The following MGAT1 variants were observed in gnomAD, a reference collection of about 807,000 sequenced individuals.
MGAT1 encodes the protein alpha-1,3-mannosyl-glycoprotein 2-beta-N-acetylglucosaminyltransferase.
Under a neutral mutation model 31.7 loss-of-function variants are expected in MGAT1, and 14 were observed. The observed-to-expected ratio is 0.44, with a 90% CI of 0.29 to 0.69. The LOEUF (loss-of-function observed/expected upper bound fraction) is 0.69. Ranked by LOEUF, MGAT1 falls within the 30% of genes least tolerant of loss-of-function variation. The pLI, the probability that MGAT1 is intolerant of heterozygous loss-of-function variation, is 0.12. For missense variants in MGAT1, 557 were observed against 626.0 expected (o/e 0.89, Z 1.18); for synonymous variants, 338 against 276.0 (o/e 1.22, Z -2.23).
chr5:180,814,075 T>A (rs1240192320), intron 1 of MGAT1, among the ~76,000 whole-genome samples: 1 of 152,216 alleles, frequency 6.6e-6, no homozygotes, highest in Non-Finnish European at 1.5e-5. Flanking sequence ...TTTTCACACA[T>A]TTTTTCAGGT....
intron 1 of MGAT1, among the ~76,000 whole-genome samples, chr5:180,798,607 A>G (rs1266163026): frequency 6.6e-6 from 1 of 152,182 alleles, no homozygotes; most frequent in Non-Finnish European, 1.5e-5. Flanking sequence ...CAGTTCCTCA[A>G]CTGTAACTGC....
Position 180,787,838 on chromosome 5 carries a change from C to A in MGAT1, c.*3796G>T, listed in dbSNP as rs670933. On this transcript the variant is annotated 3_prime_UTR_variant, in exon 2 of 2. Transcript: ENST00000307826. ...GCCAGACTCCATCAGACATTTGTCTCCACTGGGGGCGACTTGATCCACAAA... is the reference window on the plus strand; with the variant it reads ...GCCAGACTCCATCAGACATTTGTCTACACTGGGGGCGACTTGATCCACAAA... 16,359 of 152,336 alleles carry A rather than the reference C, an allele frequency of 0.11. 2,131 individuals are homozygous for A. The highest frequency in any genetic ancestry group is 0.31 in the African/African-American group (12,965 of 41,518). The allele number at this position is 152,336 out of a possible 1,614,324, so 9.4% of individuals were successfully genotyped here. A position where few individuals can be genotyped will look rare whatever the true frequency, so the allele number is the denominator to read the frequency against.
At chr5:180,796,630 C>G (rs61146181) in intron 1 of MGAT1, among the ~76,000 whole-genome samples, 5,167 of 151,856 alleles carry the variant, frequency 0.034, 299 homozygotes, top group African/African-American at 0.12. Context: ...TTTTTTGAGA[C>G]AGAGTCTCAC....
At chr5:180,814,031 C>T (rs1378646625) in intron 1 of MGAT1, among the ~76,000 whole-genome samples, 1 of 152,148 alleles carries the variant, frequency 6.6e-6, no homozygotes, top group Non-Finnish European at 1.5e-5. Context: ...AAAGTCTTCC[C>T]CAGTAACCCT....
chr5:180,785,008 T>G lies in MGAT1; in HGVS notation c.*6626A>C, dbSNP rs568047262. The G allele has an allele frequency of 5.3e-4, 80 of 152,348 alleles. 1 individual carries two copies. The highest frequency in any genetic ancestry group is 1.7e-3 in the African/African-American group (71 of 41,596). 9.4% of individuals were successfully genotyped at this position (152,348 alleles called of 1,614,324 possible). On this transcript the variant is annotated 3_prime_UTR_variant, in exon 2 of 2. Coordinates refer to ENST00000307826, the MANE Select transcript of MGAT1 (RefSeq NM_002406.4). ...GTATGGTTCTTCTTTGTATTAGTCT[T>G]TCAACTTCCCTGTGAGTTTGAATAT... is the stretch of plus-strand genomic sequence containing the variant.
rs1483454419 is a variant in MGAT1 at position 180,789,852 on chromosome 5, G to A, written c.*1782C>T. On this transcript the variant is annotated 3_prime_UTR_variant, in exon 2 of 2. Transcript: ENST00000307826. ...TCACCATGTTGGCCAGGATGGTCCCGAACTCCTGACTTCGTGATCCGTCCG... is the reference window on the plus strand; with the variant it reads ...TCACCATGTTGGCCAGGATGGTCCCAAACTCCTGACTTCGTGATCCGTCCG... The A allele has an allele frequency of 3.3e-5, 5 of 151,204 alleles. No individual in the cohort carries two copies. The highest frequency in any genetic ancestry group is 2.1e-4 in the South Asian group (1 of 4,764). 9.4% of individuals were successfully genotyped at this position (151,204 alleles called of 1,614,324 possible). A position where few individuals can be genotyped will look rare whatever the true frequency, so the allele number is the denominator to read the frequency against.
rs761001133 is a variant in MGAT1, at chr5:180,792,513, G to A, written c.459C>T (p.Ala153=). The A allele has an allele frequency of 1.9e-6, 3 of 1,613,050 alleles. No individual in the cohort carries two copies. Among genetic ancestry groups the A allele is most frequent in the Non-Finnish European group, 2.5e-6 (3 of 1,179,884 alleles). The change falls in exon 2 of 2, where the codon GCC becomes GCT. Residue 153 remains alanine, a synonymous_variant. Transcript: ENST00000307826. ...TGTGCGTGACCGCGCTGCCGTAGGA[G>A]GCGATGGCCTGGGCCGTCTCCTCGT... ...CGHEETAQAI[A]SYGSAVTHIR... is the part of the protein sequence containing the mutation.
chr5:180,804,765 G>T (rs375724373), upstream of MGAT1, among the ~76,000 whole-genome samples: 7 of 152,318 alleles, frequency 4.6e-5, no homozygotes, highest in East Asian at 9.6e-4. Flanking sequence ...CAGACATCAG[G>T]GGGTGCTGAA....
At chr5:180,794,039 A>G (rs1318565926) in intron 1 of MGAT1, among the ~76,000 whole-genome samples, 5 of 151,982 alleles carry the variant, frequency 3.3e-5, no homozygotes, top group Non-Finnish European at 5.9e-5. Flanking sequence ...TAGGAAAACA[A>G]TAAAAATAAG....
intron 1 of MGAT1, among the ~76,000 whole-genome samples, chr5:180,798,596 A>G (rs974448649): frequency 6.6e-6 from 1 of 152,204 alleles, no homozygotes; most frequent in Non-Finnish European, 1.5e-5. Flanking sequence ...AAAAACATCC[A>G]CAGTTCCTCA....
chr5:180,811,668 C>A (rs977847121), intron 1 of MGAT1, among the ~76,000 whole-genome samples: 9 of 152,090 alleles, frequency 5.9e-5, no homozygotes, highest in African/African-American at 1.7e-4. Flanking sequence ...GCCCTCCCTA[C>A]CCTCCCAGTC....
chr5:180,793,725 A>G (rs1040492917), intron 1 of MGAT1, among the ~76,000 whole-genome samples: 53 of 152,252 alleles, frequency 3.5e-4, no homozygotes, highest in African/African-American at 1.2e-3. Flanking sequence ...AAGGAAGTGT[A>G]ATATAAAAAT....
In MGAT1 at chr5:180,811,075, C is replaced by G. The variant is rs1263416310; in HGVS notation, c.-545-2009G>C. On this transcript the variant is annotated intron_variant, in intron 1 of 2. Transcript: ENST00000333055. ...CCGCGGTTTCCCCCTCACGCTGAAT[C>G]CAGGGGAGCCGCTACTCGTTTTTGA... is the stretch of plus-strand genomic sequence containing the variant. The G allele has an allele frequency of 2.0e-5, 3 of 152,238 alleles. No homozygotes were observed. In the East Asian group the frequency reaches 5.8e-4, roughly 29 times the overall value. 9.4% of individuals were successfully genotyped at this position (152,238 alleles called of 1,614,324 possible).
At position 180,789,985 on chromosome 5, in the gene MGAT1, C is replaced by T. The variant is rs766211778; in HGVS notation, c.*1649G>A. 1.4e-4 allele frequency: 21 copies of T among 152,244 alleles called. No individual in the cohort carries two copies. The highest frequency in any genetic ancestry group is 4.3e-4 in the African/African-American group (18 of 41,520). The allele number at this position is 152,244 out of a possible 1,614,324, so 9.4% of individuals were successfully genotyped here. A position where few individuals can be genotyped will look rare whatever the true frequency, so the allele number is the denominator to read the frequency against. ...GAACAGAAACTCTCAGAATGTTGCA[C>T]GTGATATGCAGAGGTAACAGTCTGT... On this transcript the variant is annotated 3_prime_UTR_variant, in exon 2 of 2. Coordinates refer to ENST00000307826, the MANE Select transcript of MGAT1 (RefSeq NM_002406.4).
intron 1 of MGAT1, chr5:180,810,079 CCG>C (rs1486128658): frequency 6.6e-6 from 1 of 151,142 alleles, no homozygotes; most frequent in African/African-American, 2.4e-5. Flanking sequence ...GAGCCGCGGC[CCG>C]CCGCGGGTCG....
chr5:180,798,552 G>A (rs752109550), intron 1 of MGAT1, among the ~76,000 whole-genome samples: 18 of 152,194 alleles, frequency 1.2e-4, no homozygotes, highest in South Asian at 2.1e-4. Flanking sequence ...GCTGTGCTAG[G>A]GCTCTCAACA....
At chr5:180,806,144 G>C (rs565549376), upstream of MGAT1, among the ~76,000 whole-genome samples, 13 of 151,828 alleles carry the variant, frequency 8.6e-5, no homozygotes, top group Non-Finnish European at 1.5e-4. Context: ...AAATTAGCCG[G>C]GCGTGGTGGC....
chr5:180,797,562 C>T (rs1468336749), intron 1 of MGAT1, among the ~76,000 whole-genome samples: 3 of 152,132 alleles, frequency 2.0e-5, no homozygotes, highest in African/African-American at 7.2e-5. Flanking sequence ...CTCCAGACAT[C>T]AGAATTTGGT....
intron 1 of MGAT1, chr5:180,810,934 G>C (rs1180883826): frequency 2.0e-5 from 3 of 152,104 alleles, no homozygotes; most frequent in African/African-American, 7.2e-5. Context: ...CGGCCTGCCC[G>C]AGGCTGCCGG....
Sources: allele counts gnomAD v4.1 joint callset (sites outside exome capture counted in the v4.1 genomes callset), GRCh38; gene constraint gnomAD v4.1.1; transcripts MANE v1.5; gene names NCBI Gene and HGNC (gene_info 2026-07-23, HGNC 2026-07-21).